NPAS3: variants seen among roughly 807,000 people sequenced by gnomAD.
NPAS3 encodes neuronal PAS domain-containing protein 3.
Under a neutral mutation model 73.1 loss-of-function variants are expected in NPAS3, and 14 were observed. The observed-to-expected ratio is 0.19, with a 90% confidence interval of 0.13 to 0.30. The LOEUF is 0.30. Ranked by LOEUF, NPAS3 falls within the 10% of genes least tolerant of loss-of-function variation. NPAS3 has a pLI of 1.00. For missense variants in NPAS3, 1,096 were observed against 1,250.0 expected, an observed-to-expected ratio of 0.88 and a Z score of 1.86; for synonymous variants, 620 against 541.5, an observed-to-expected ratio of 1.14 and a Z score of -2.01.
At chr14:33,320,438 TA>T (rs1175719462) in intron 3 of NPAS3, among the ~76,000 whole-genome samples, 10 of 152,144 alleles carry the variant, frequency 6.6e-5, no homozygotes, top group South Asian at 6.2e-4. Context: ...TAAAGTATAA[TA>T]AAAAAAATTT....
intron 2 of NPAS3, among the ~76,000 whole-genome samples, chr14:33,130,663 T>C (rs545964746): frequency 1.3e-5 from 2 of 152,280 alleles, no homozygotes; most frequent in East Asian, 3.9e-4. Flanking sequence ...TGCAATTATT[T>C]TCTTATGCTT....
At chr14:32,975,381 C>T (rs1025693125) in intron 1 of NPAS3, among the ~76,000 whole-genome samples, 4 of 148,842 alleles carry the variant, frequency 2.7e-5, no homozygotes, top group African/African-American at 9.8e-5. Flanking sequence ...AGTGCACTGG[C>T]ACCATTATAG....
In NPAS3 at chr14:33,367,137, A is replaced by G. The variant is rs1419654942; in HGVS notation, c.386-49A>G. ...AGAAACTAAGCTGAAGATATGAATC[A>G]GAGCTCCAACTTAATTGTTCTGTTT... On this transcript the variant is annotated intron_variant, in intron 3 of 11. Transcript: ENST00000356141. 1.8e-5 allele frequency: 14 copies of G among 782,568 alleles called. No homozygotes were observed. In the Middle Eastern group the frequency reaches 6.9e-4, roughly 39 times the overall value. 48.5% of individuals were successfully genotyped at this position (782,568 alleles called of 1,614,324 possible).
intron 1 of NPAS3, among the ~76,000 whole-genome samples, chr14:33,055,285 C>T (rs1270705817): frequency 6.6e-6 from 1 of 152,110 alleles, no homozygotes; most frequent in Non-Finnish European, 1.5e-5. Context: ...CCTTAACTGC[C>T]AAGAAACCTG....
chr14:33,205,170 A>C (rs1332170591), intron 2 of NPAS3, among the ~76,000 whole-genome samples: 2 of 152,164 alleles, frequency 1.3e-5, no homozygotes, highest in African/African-American at 4.8e-5. Flanking sequence ...TATTATCTCT[A>C]TATCTTTATA....
At chr14:32,942,961 A>G (rs1243582084) in intron 1 of NPAS3, among the ~76,000 whole-genome samples, 1 of 152,222 alleles carries the variant, frequency 6.6e-6, no homozygotes, top group East Asian at 1.9e-4. Context: ...GATCCACCAG[A>G]GAGGATATTA....
chr14:33,000,502 TG>T (rs1272882977), intron 1 of NPAS3, among the ~76,000 whole-genome samples: 1 of 152,230 alleles, frequency 6.6e-6, no homozygotes, highest in South Asian at 2.1e-4. Flanking sequence ...TGAGTTGTTA[TG>T]TATCTGGTGC....
At chr14:33,099,258 C>T (rs2042513664) in intron 2 of NPAS3, among the ~76,000 whole-genome samples, 1 of 152,002 alleles carries the variant, frequency 6.6e-6, no homozygotes, top group South Asian at 2.1e-4. Context: ...GTTTTAGTAC[C>T]GTCATACATT....
intron 6 of NPAS3, among the ~76,000 whole-genome samples, chr14:33,693,546 A>G (rs2060291680): frequency 6.6e-6 from 1 of 152,188 alleles, no homozygotes; most frequent in Non-Finnish European, 1.5e-5. Flanking sequence ...TTATTGTACT[A>G]GGAGTTGACC....
intron 5 of NPAS3, among the ~76,000 whole-genome samples, chr14:33,669,628 C>T (rs1341256740): frequency 6.6e-6 from 1 of 152,166 alleles, no homozygotes; most frequent in African/African-American, 2.4e-5. Context: ...GGGAGATCTT[C>T]AAAGAGTTTG....
intron 3 of NPAS3, among the ~76,000 whole-genome samples, chr14:33,328,709 G>T (rs569040952): frequency 2.0e-5 from 3 of 151,624 alleles, no homozygotes; most frequent in East Asian, 3.9e-4. Flanking sequence ...CTCCCGCTTT[G>T]GCCTCCCAAA....
At chr14:33,359,629 T>C (rs537538065) in intron 3 of NPAS3, among the ~76,000 whole-genome samples, 1 of 152,276 alleles carries the variant, frequency 6.6e-6, no homozygotes, top group South Asian at 2.1e-4. Context: ...CTTGAGAGAG[T>C]GTACCAAATC....
intron 2 of NPAS3, among the ~76,000 whole-genome samples, chr14:33,079,372 G>A (rs1055276243): frequency 1.6e-4 from 23 of 140,590 alleles, no homozygotes; most frequent in African/African-American, 6.3e-4. Context: ...AGGCTGGAGT[G>A]CAGTGGCATG....
chr14:33,510,335 T>C (rs1165033759), intron 4 of NPAS3, among the ~76,000 whole-genome samples: 2 of 152,074 alleles, frequency 1.3e-5, no homozygotes, highest in Non-Finnish European at 2.9e-5. Flanking sequence ...CAGGCTTCTA[T>C]TTCTCACTAG....
chr14:33,673,694 C>G (rs987100172), intron 5 of NPAS3, among the ~76,000 whole-genome samples: 1 of 152,196 alleles, frequency 6.6e-6, no homozygotes, highest in African/African-American at 2.4e-5. Context: ...AGCCTGGCAC[C>G]ATTCCCAAGG....
chr14:33,374,835 G>A (rs1290896749), intron 4 of NPAS3, among the ~76,000 whole-genome samples: 3 of 151,960 alleles, frequency 2.0e-5, no homozygotes, highest in African/African-American at 7.3e-5. Context: ...ACCTAAAACA[G>A]CTCAAAAGCT....
intron 4 of NPAS3, among the ~76,000 whole-genome samples, chr14:33,459,224 A>G (rs1009554273): frequency 1.3e-5 from 2 of 151,652 alleles, no homozygotes; most frequent in African/African-American, 2.4e-5. Context: ...TCTTGTGCCG[A>G]CCTCCCATCT....
At chr14:33,234,026 C>A (rs1207823723) in intron 3 of NPAS3, among the ~76,000 whole-genome samples, 1 of 151,932 alleles carries the variant, frequency 6.6e-6, no homozygotes, top group Non-Finnish European at 1.5e-5. Context: ...AGATAAAGCA[C>A]GAGTGGAAAA....
At chr14:33,465,890 G>A (rs1179399364) in intron 4 of NPAS3, among the ~76,000 whole-genome samples, 2 of 152,006 alleles carry the variant, frequency 1.3e-5, no homozygotes, top group East Asian at 3.9e-4. Context: ...AGATCCAACA[G>A]ATATATAATA....
Sources: allele counts gnomAD v4.1 joint callset (sites outside exome capture counted in the v4.1 genomes callset), GRCh38; gene constraint gnomAD v4.1.1; transcripts MANE v1.5; gene names NCBI Gene and HGNC (gene_info 2026-07-23, HGNC 2026-07-21).